Variants in SLX9 observed in about 807,000 individuals in gnomAD.
SLX9 encodes the protein SLX9 ribosome biogenesis factor, also known as ribosome biogenesis protein SLX9 homolog.
In SLX9, 19 loss-of-function variants were observed where a neutral mutation model predicts 20.8. That is an observed-to-expected ratio of 0.91 (90% CI 0.64 to 1.34). SLX9 has a LOEUF of 1.34. Among genes scored for constraint, SLX9 ranks in the 40% most tolerant of loss-of-function variants. The pLI, the probability that SLX9 is intolerant of heterozygous loss-of-function variation, is 0.00. For synonymous variants in SLX9, 113 were observed against 137.1 expected, an observed-to-expected ratio of 0.82 and a Z score of 1.23; for missense variants, 299 against 322.2, an observed-to-expected ratio of 0.93 and a Z score of 0.55.
chr21:44,960,352 A>C (rs2084931755), intron 3 of SLX9, among the ~76,000 whole-genome samples, 184 bp downstream of exon 3: 1 of 152,130 alleles, frequency 6.6e-6, no homozygotes, highest in Non-Finnish European at 1.5e-5. Flanking sequence ...AGGCACAGAG[A>C]GGTTGGCCAT....
In SLX9 at chr21:44,976,841, T is replaced by C; in HGVS notation, c.*38T>C. 1.3e-6 allele frequency: 2 copies of C among 1,538,910 alleles called. No individual in the cohort carries two copies. Among genetic ancestry groups the C allele is most frequent in the East Asian group, 2.4e-5 (1 of 41,036 alleles). On this transcript the variant is annotated 3_prime_UTR_variant, in exon 6 of 6. Transcript: ENST00000291634. ...GCATGCCACAACTCCTCAGGACACA[T>C]GTGGGCCAAGTAGAGAGCGCCGGCC...
chr21:44,973,658 C>T (rs1280934668), intron 5 of SLX9, among the ~76,000 whole-genome samples: 8 of 138,192 alleles, frequency 5.8e-5, no homozygotes, highest in Admixed American at 4.3e-4. Flanking sequence ...TATGTGCCCT[C>T]GCCCCGCCCA....
chr21:44,948,864 A>G (rs1392269644), intron 2 of SLX9, among the ~76,000 whole-genome samples: 1 of 152,150 alleles, frequency 6.6e-6, no homozygotes, highest in East Asian at 1.9e-4. Context: ...CCTCCAAGGG[A>G]GACTGGAGTC....
rs1292549009 is a variant in SLX9 at position 44,967,087 on chromosome 21, AGGGCCAC to A, written c.409_415del (p.Ala137TrpfsTer43). 3.1e-6 allele frequency: 5 copies of A among 1,611,686 alleles called. No homozygotes were observed. The highest frequency in any genetic ancestry group is 3.4e-6 in the Non-Finnish European group (4 of 1,179,678). ...GAAGCACAGGGAGGAGCGGAGGCGG[AGGGCCAC>A]GGTGGTGGTGGGGGACCTGCACCCT... On this transcript the variant is annotated frameshift_variant, in exon 4 of 6. Coordinates refer to ENST00000291634, the MANE Select transcript of SLX9 (RefSeq NM_058190.4). LOFTEE classifies it high-confidence loss of function.
At position 44,940,158 on chromosome 21, in the gene SLX9, C is replaced by T; in HGVS notation, c.101C>T (p.Thr34Ile). ...CCCGCGCCCCCTGCCCCGGAGGCGA[C>T]CCCTCCGCCGGCCTCGGCCGCGGGG... is the stretch of plus-strand genomic sequence containing the variant. ...PGPAPPAPEA[T>I]PPPASAAGKD... is the part of the protein sequence containing the mutation. Residue 34 changes from threonine (T) to isoleucine (I), a missense_variant, in exon 1 of 6, where the codon ACC becomes ATC. Physicochemically the swap from Thr to Ile is moderately conservative, Grantham distance 89. Coordinates refer to ENST00000291634, the MANE Select transcript of SLX9 (RefSeq NM_058190.4). 3 of 1,287,692 alleles carry T rather than the reference C, an allele frequency of 2.3e-6. No homozygotes were observed. Among genetic ancestry groups the T allele is most frequent in the Non-Finnish European group, 3.0e-6 (3 of 1,013,450 alleles). The allele number at this position is 1,287,692 out of a possible 1,614,324, so 79.8% of individuals were successfully genotyped here. A position where few individuals can be genotyped will look rare whatever the true frequency, so the allele number is the denominator to read the frequency against.
chr21:44,976,590 A>G (rs2085267585), intron 5 of SLX9, 90 bp from the exon 6 acceptor site: 6 of 1,511,488 alleles, frequency 4.0e-6, no homozygotes, highest in Admixed American at 2.1e-5. Flanking sequence ...GGCCTCTGCC[A>G]TTCATTTCGG....
At chr21:44,974,633 A>G (rs1601428059) in intron 5 of SLX9, among the ~76,000 whole-genome samples, 1 of 152,232 alleles carries the variant, frequency 6.6e-6, no homozygotes, top group Non-Finnish European at 1.5e-5. Flanking sequence ...AGGTGTGATC[A>G]AGGCTCACTG....
At chr21:44,964,287 T>G (rs2084995020) in intron 3 of SLX9, among the ~76,000 whole-genome samples, 1 of 152,236 alleles carries the variant, frequency 6.6e-6, no homozygotes, top group African/African-American at 2.4e-5. Context: ...TGTAGATTCC[T>G]TAGGATCTTT....
chr21:44,955,781 G>T (rs2084846441), intron 2 of SLX9, among the ~76,000 whole-genome samples: 1 of 152,198 alleles, frequency 6.6e-6, no homozygotes, highest in South Asian at 2.1e-4. Context: ...TTTGTTGTCC[G>T]ATGCACCCAG....
chr21:44,972,298 G>C (rs950603235), intron 4 of SLX9, among the ~76,000 whole-genome samples: 1 of 152,192 alleles, frequency 6.6e-6, no homozygotes, highest in African/African-American at 2.4e-5. Context: ...GTGGGCGGCT[G>C]CCTTGGCCGG....
intron 2 of SLX9, among the ~76,000 whole-genome samples, chr21:44,952,317 C>T (rs2084773649): frequency 6.6e-6 from 1 of 152,388 alleles, no homozygotes; most frequent in African/African-American, 2.4e-5. Flanking sequence ...ATTTGCCAGA[C>T]AGCAATCGGC....
intron 1 of SLX9, among the ~76,000 whole-genome samples, chr21:44,943,360 G>T (rs1276308067): frequency 6.6e-6 from 1 of 152,216 alleles, no homozygotes; most frequent in Non-Finnish European, 1.5e-5. Flanking sequence ...GAATGTTGTA[G>T]AAAGAGTAAG....
At chr21:44,969,032 C>CGTGA (rs2085092386) in intron 4 of SLX9, 4 of 409,980 alleles carry the variant, frequency 9.8e-6, no homozygotes, top group Non-Finnish European at 2.1e-5. Flanking sequence ...GGATTACAGG[C>CGTGA]GTGAGCCACC....
chr21:44,948,678 G>A (rs1032126628), intron 2 of SLX9, among the ~76,000 whole-genome samples: 2 of 152,190 alleles, frequency 1.3e-5, no homozygotes, highest in Non-Finnish European at 2.9e-5. Context: ...CTTGGGGGCG[G>A]TGGGGGCATG....
intron 2 of SLX9, among the ~76,000 whole-genome samples, chr21:44,956,888 G>A (rs2084867654): frequency 2.6e-5 from 4 of 152,188 alleles, no homozygotes; most frequent in South Asian, 2.1e-4. Context: ...GGTTTACCGC[G>A]TCTGTTCCCG....
At chr21:44,964,309 T>G (rs1446950232) in intron 3 of SLX9, among the ~76,000 whole-genome samples, 2 of 152,178 alleles carry the variant, frequency 1.3e-5, no homozygotes, top group Non-Finnish European at 2.9e-5. Flanking sequence ...GAAATGCATG[T>G]TTTCTGTATG....
chr21:44,940,807 T>C (rs1253783607), intron 1 of SLX9, among the ~76,000 whole-genome samples: 2 of 152,206 alleles, frequency 1.3e-5, no homozygotes, highest in African/African-American at 4.8e-5. Flanking sequence ...TGGCAAGTCT[T>C]CAGCCATTAT....
At chr21:44,964,920 C>CAA in intron 3 of SLX9, among the ~76,000 whole-genome samples, 1 of 152,250 alleles carries the variant, frequency 6.6e-6, no homozygotes, top group South Asian at 2.1e-4. Context: ...ACTCTTTCCC[C>CAA]AGGAGGACCC....
chr21:44,949,475 A>C (rs916645755), intron 2 of SLX9, among the ~76,000 whole-genome samples: 1 of 152,042 alleles, frequency 6.6e-6, no homozygotes, highest in African/African-American at 2.4e-5. Context: ...CGGGTCCCCA[A>C]AGCGCGGCCC....
Sources: gnomAD v4.1 joint callset for allele counts (sites outside exome capture counted in the v4.1 genomes callset) on GRCh38, gnomAD v4.1.1 for gene constraint, MANE v1.5 for transcripts, NCBI Gene and HGNC (gene_info 2026-07-23, HGNC 2026-07-21) for gene names.